The following CEP170 variants were observed in gnomAD, a reference collection of about 807,000 sequenced individuals.
The protein encoded by CEP170 is centrosomal protein 170, also known as centrosomal protein of 170 kDa.
A neutral mutation model predicts 151.9 loss-of-function variants in CEP170; 21 were observed. The ratio of observed to expected loss-of-function variants is 0.14; its 90% CI spans 0.10 to 0.20. The LOEUF is 0.20. CEP170 is among the 10% of genes least tolerant of loss of function. CEP170 has a pLI of 1.00. For missense variants in CEP170, 964 were observed against 1,892.9 expected, an observed-to-expected ratio of 0.51 and a Z score of 9.11; for synonymous variants, 356 against 648.8, an observed-to-expected ratio of 0.55 and a Z score of 6.86.
At chr1:243,170,255 T>C (rs1323069343) in intron 11 of CEP170, among the ~76,000 whole-genome samples, 3 of 151,496 alleles carry the variant, frequency 2.0e-5, no homozygotes, top group African/African-American at 7.3e-5. Flanking sequence ...CATGGTGGCA[T>C]ATGACTGTAA....
At chr1:243,253,392 G>A (rs1285070669) in intron 1 of CEP170, 2 of 152,202 alleles carry the variant, frequency 1.3e-5, no homozygotes, top group Non-Finnish European at 2.9e-5. Context: ...TCTGCAGAAT[G>A]GACCTTGAGT....
At chr1:243,226,100 T>C (rs998763320) in intron 1 of CEP170, among the ~76,000 whole-genome samples, 67 of 142,172 alleles carry the variant, frequency 4.7e-4, no homozygotes, top group African/African-American at 1.6e-3. Flanking sequence ...TCTATATATA[T>C]ACACGTATAT....
intron 14 of CEP170, among the ~76,000 whole-genome samples, chr1:243,143,118 T>C (rs2056062130): frequency 6.6e-6 from 1 of 152,208 alleles, no homozygotes; most frequent in South Asian, 2.1e-4. Context: ...TTGGATTTCT[T>C]TGTAATTCTT....
intron 7 of CEP170, among the ~76,000 whole-genome samples, chr1:243,194,921 A>G (rs2060544497): frequency 6.6e-6 from 1 of 151,928 alleles, no homozygotes; most frequent in Non-Finnish European, 1.5e-5. Context: ...AATTGGTGAT[A>G]ATCTGCTTAT....
Position 243,155,010 on chromosome 1 carries a change from C to CA in CEP170, c.3911+1210dup, listed in dbSNP as rs199907387. ...TTGTTGCTAGCAGCGCCTGGAAGTA[C>CA]AAAAAAATGTGTCAAGATGCTCTCA... is the stretch of plus-strand genomic sequence containing the variant. On this transcript the variant is annotated intron_variant, in intron 14 of 19. Coordinates refer to ENST00000366542, the MANE Select transcript of CEP170 (RefSeq NM_014812.3). Among the ~76,000 whole-genome samples, 6 of 151,770 alleles carry CA rather than the reference C, an allele frequency of 4.0e-5. 1 individual carries two copies. Among genetic ancestry groups the CA allele is most frequent in the Admixed American group, 3.9e-4 (6 of 15,234 alleles).
intron 13 of CEP170, among the ~76,000 whole-genome samples, chr1:243,158,999 G>A (rs1285327619): frequency 6.6e-5 from 10 of 152,192 alleles, no homozygotes; most frequent in South Asian, 2.1e-4. Context: ...CCCTGGAGTC[G>A]GAGGGTGCAG....
intron 13 of CEP170, among the ~76,000 whole-genome samples, chr1:243,158,778 T>C (rs1209179287): frequency 6.6e-6 from 1 of 151,932 alleles, no homozygotes. Context: ...TTAAAAGCAA[T>C]CAGGGGCCGG....
chr1:243,131,749 G>A (rs892623220), intron 17 of CEP170, among the ~76,000 whole-genome samples: 14 of 152,096 alleles, frequency 9.2e-5, no homozygotes, highest in African/African-American at 3.4e-4. Context: ...CTTTCAAAGT[G>A]ATATTCAGAT....
At chr1:243,151,540 C>A (rs1489050807) in intron 14 of CEP170, among the ~76,000 whole-genome samples, 1 of 152,014 alleles carries the variant, frequency 6.6e-6, no homozygotes, top group Non-Finnish European at 1.5e-5. Flanking sequence ...TAATCCAGAG[C>A]AAAATCTGAA....
At chr1:243,193,302 C>T (rs2060430942) in intron 7 of CEP170, among the ~76,000 whole-genome samples, 1 of 151,870 alleles carries the variant, frequency 6.6e-6, no homozygotes, top group Non-Finnish European at 1.5e-5. Flanking sequence ...ATGTACTGTA[C>T]TTGATCAAGT....
Position 243,128,279 on chromosome 1 carries a change from C to T in CEP170, c.4435G>A (p.Glu1479Lys). ...SSMEISSILQ[E>K]LKRVEKQLQA... ...AGCTGCTTTTCTACTCTTTTCAGTT[C>T]CTGTAAGATAGAAGAAATCTCCTGC... The change falls in exon 19 of 20, where the codon GAA becomes AAA. Residue 1479 changes from glutamate to lysine, a missense_variant. Transcript: ENST00000366542. 1 of 1,593,218 alleles carries T rather than the reference C, an allele frequency of 6.3e-7. No individual in the cohort carries two copies. The highest frequency in any genetic ancestry group is 8.5e-7 in the Non-Finnish European group (1 of 1,173,038).
intron 1 of CEP170, among the ~76,000 whole-genome samples, chr1:243,249,154 G>C (rs2065696628): frequency 6.6e-6 from 1 of 152,034 alleles, no homozygotes; most frequent in Non-Finnish European, 1.5e-5. Context: ...GGCCAGGCGT[G>C]GTGGTTCATG....
At chr1:243,228,628 A>T (rs2063485979) in intron 1 of CEP170, among the ~76,000 whole-genome samples, 1 of 152,230 alleles carries the variant, frequency 6.6e-6, no homozygotes, top group Non-Finnish European at 1.5e-5. Context: ...AAGGGAACTG[A>T]AACAAAACCC....
At chr1:243,161,891 C>A (rs1174359502) in intron 13 of CEP170, among the ~76,000 whole-genome samples, 1 of 152,228 alleles carries the variant, frequency 6.6e-6, no homozygotes, top group East Asian at 1.9e-4. Flanking sequence ...GTTATAATAT[C>A]AAAGGCACCA....
At chr1:243,152,517 A>G (rs997852732) in intron 14 of CEP170, among the ~76,000 whole-genome samples, 3 of 87,188 alleles carry the variant, frequency 3.4e-5, no homozygotes, top group African/African-American at 4.4e-5. Flanking sequence ...CACCGCGCCC[A>G]GCCATTTTTT....
intron 14 of CEP170, among the ~76,000 whole-genome samples, chr1:243,145,768 C>T (rs1176310936): frequency 3.3e-5 from 5 of 152,176 alleles, no homozygotes; most frequent in Non-Finnish European, 4.4e-5. Flanking sequence ...CAAGTCAAAC[C>T]TCCTGTTACT....
chr1:243,186,161 T>C lies in CEP170; in HGVS notation c.1273-89A>G, dbSNP rs760508055. On this transcript the variant is annotated intron_variant, in intron 9 of 19. Coordinates refer to ENST00000366542, the MANE Select transcript of CEP170 (RefSeq NM_014812.3). ...ATGTGGTGTTGAATATGTAGTTTCCTGACACAAGATTCCCGCACTTTGAGT... is the reference window on the plus strand; with the variant it reads ...ATGTGGTGTTGAATATGTAGTTTCCCGACACAAGATTCCCGCACTTTGAGT... 5.6e-6 allele frequency: 9 copies of C among 1,613,226 alleles called. No individual in the cohort carries two copies. In the Middle Eastern group the frequency reaches 9.9e-4, roughly 178 times the overall value.
At chr1:243,216,355 C>G (rs949125668) in intron 3 of CEP170, among the ~76,000 whole-genome samples, 3 of 148,712 alleles carry the variant, frequency 2.0e-5, no homozygotes, top group African/African-American at 7.5e-5. Flanking sequence ...CTGCCCCCCT[C>G]CCCCCGACCC....
chr1:243,128,409 A>G, intron 18 of CEP170, 109 bp from the exon 19 acceptor site: 1 of 858,818 alleles, frequency 1.2e-6, no homozygotes, highest in Non-Finnish European at 1.8e-6. Flanking sequence ...TATTATCTAC[A>G]TGGTACTTAC....
Sources: allele counts gnomAD v4.1 joint callset (sites outside exome capture counted in the v4.1 genomes callset), GRCh38; gene constraint gnomAD v4.1.1; transcripts MANE v1.5; gene names NCBI Gene and HGNC (gene_info 2026-07-23, HGNC 2026-07-21).